The following CUBN variants were observed in gnomAD, a reference collection of about 807,000 sequenced individuals.
CUBN encodes cubilin.
Under a neutral mutation model 405.3 loss-of-function variants are expected in CUBN, and 282 were observed. That is an observed-to-expected ratio of 0.70 (90% CI 0.63 to 0.77). The LOEUF is 0.77. Ranked by LOEUF, CUBN falls within the 30% of genes least tolerant of loss-of-function variation. CUBN has a pLI of 0.00. For synonymous variants in CUBN, 1,684 were observed against 1,617.0 expected (o/e 1.04, Z -0.99); for missense variants, 4,514 against 4,475.2 (o/e 1.01, Z -0.25).
Position 16,907,544 on chromosome 10 carries a change from C to A in CUBN, c.7669G>T (p.Gly2557Cys), listed in dbSNP as rs202089701. Residue 2557 changes from glycine to cysteine, a missense_variant, in exon 49 of 67, where the codon GGC becomes TGC. By Grantham distance (159) the Gly-to-Cys change is radical. Coordinates refer to ENST00000377833, the MANE Select transcript of CUBN (RefSeq NM_001081.4). ...FFTDGSRPYG[G>C]FTASYTSSED... ...CTGGAGGTATAGGAAGCAGTGAAGC[C>A]GCCATATGGCCTGGATCCATCCGTG... is the stretch of plus-strand genomic sequence containing the variant. The A allele has an allele frequency of 3.7e-6, 6 of 1,614,070 alleles. No individual in the cohort carries two copies. The South Asian group carries it at 4.4e-5, about 12-fold the overall frequency.
Position 16,870,059 on chromosome 10 carries a change from C to T in CUBN, c.9237-206G>A, listed in dbSNP as rs1015929547. Among the ~76,000 whole-genome samples, 5 of 152,108 alleles carry T rather than the reference C, an allele frequency of 3.3e-5. No homozygotes were observed. The East Asian group carries it at 9.6e-4, about 29-fold the overall frequency. ...TTTGTTTTTAGTAATTACAATACAA[C>T]AAAAACTGTGACAGCAGCTGGGGAT... On this transcript the variant is annotated intron_variant, in intron 58 of 66. Coordinates refer to ENST00000377833, the MANE Select transcript of CUBN (RefSeq NM_001081.4).
At chr10:16,901,187 G>T in intron 52 of CUBN, 151 bp downstream of exon 52, 1 of 1,112,178 alleles carries the variant, frequency 9.0e-7, no homozygotes, top group Non-Finnish European at 1.4e-6. Context: ...ATGTGCTCTA[G>T]TGAGAAAATG....
intron 6 of CUBN, among the ~76,000 whole-genome samples, chr10:17,116,548 G>A (rs1390377955): frequency 6.6e-6 from 1 of 152,212 alleles, no homozygotes; most frequent in African/African-American, 2.4e-5. Context: ...ACAAGGAACA[G>A]GGCGTGCCTG....
chr10:16,979,644 G>T (rs1239967907), intron 31 of CUBN, among the ~76,000 whole-genome samples: 1 of 152,148 alleles, frequency 6.6e-6, no homozygotes, highest in African/African-American at 2.4e-5. Flanking sequence ...GCCATATGCA[G>T]AAAACTGAAA....
intron 43 of CUBN, among the ~76,000 whole-genome samples, chr10:16,923,924 T>C (rs1436142788): frequency 6.6e-6 from 1 of 151,866 alleles, no homozygotes; most frequent in African/African-American, 2.4e-5. Context: ...GTACAAAAAT[T>C]AGCTGGGCAT....
At chr10:16,874,337 A>G in intron 58 of CUBN, 37 bp downstream of exon 58, 1 of 1,611,676 alleles carries the variant, frequency 6.2e-7, no homozygotes, top group South Asian at 1.1e-5. Context: ...ATAATGCTGA[A>G]AGGATTTTCT....
chr10:17,109,541 A>G, intron 10 of CUBN, 99 bp downstream of exon 10: 1 of 1,007,900 alleles, frequency 9.9e-7, no homozygotes, highest in Admixed American at 1.9e-5. Context: ...AGGTCAAAAT[A>G]ACAATTTTGA....
chr10:17,074,864 T>G (rs1324735746), intron 17 of CUBN, among the ~76,000 whole-genome samples: 2 of 152,150 alleles, frequency 1.3e-5, no homozygotes. Context: ...TGGGGTTAAA[T>G]CAGTGTATTT....
At chr10:17,082,491 T>C (rs1184815071) in intron 17 of CUBN, among the ~76,000 whole-genome samples, 2 of 152,194 alleles carry the variant, frequency 1.3e-5, no homozygotes, top group African/African-American at 2.4e-5. Context: ...CCTGAGAGGA[T>C]GAACCATTCA....
At chr10:17,011,666 A>G (rs1485681807) in intron 28 of CUBN, among the ~76,000 whole-genome samples, 1 of 150,776 alleles carries the variant, frequency 6.6e-6, no homozygotes, top group Non-Finnish European at 1.5e-5. Flanking sequence ...CGTCCTGCTG[A>G]TTGGTCCATT....
At chr10:17,103,921 G>T (rs1041885266) in intron 12 of CUBN, among the ~76,000 whole-genome samples, 1 of 152,170 alleles carries the variant, frequency 6.6e-6, no homozygotes, top group African/African-American at 2.4e-5. Context: ...AAACTTGCTT[G>T]AGTGAAGTTA....
At chr10:17,026,786 G>A (rs1168570630) in intron 27 of CUBN, among the ~76,000 whole-genome samples, 1 of 152,206 alleles carries the variant, frequency 6.6e-6, no homozygotes, top group African/African-American at 2.4e-5. Flanking sequence ...GAGCATGGTT[G>A]ATCCCAGCCG....
chr10:17,127,958 A>C (rs1394616157), intron 2 of CUBN, 34 bp from the exon 3 acceptor site: 1 of 1,368,784 alleles, frequency 7.3e-7, no homozygotes. Flanking sequence ...AATGAAGAGC[A>C]CTAGTGAAAA....
At chr10:17,050,101 C>G (rs1052289018) in intron 22 of CUBN, among the ~76,000 whole-genome samples, 3 of 152,140 alleles carry the variant, frequency 2.0e-5, no homozygotes, top group Admixed American at 6.5e-5. Context: ...TCAAACTACC[C>G]CTAAACTCCA....
intron 5 of CUBN, chr10:17,123,365 C>T (rs1408256136): frequency 1.7e-6 from 1 of 596,712 alleles, no homozygotes; most frequent in Admixed American, 3.0e-5. Flanking sequence ...AGGCAGTTAT[C>T]CAATCAAGTG....
chr10:16,939,560 T>C (rs1564435761), intron 37 of CUBN, among the ~76,000 whole-genome samples: 2 of 152,192 alleles, frequency 1.3e-5, no homozygotes, highest in Admixed American at 1.3e-4. Context: ...AATGGAAAAG[T>C]TGAGCTAGAG....
At chr10:16,885,345 G>C (rs1199844663) in intron 56 of CUBN, among the ~76,000 whole-genome samples, 3 of 152,158 alleles carry the variant, frequency 2.0e-5, no homozygotes, top group African/African-American at 7.2e-5. Context: ...AAAAGAATCA[G>C]TCTTCAACTG....
In CUBN at chr10:16,930,157, A is replaced by C. The variant is rs550564324; in HGVS notation, c.6125-1854T>G. Among the ~76,000 whole-genome samples the C allele has an allele frequency of 3.3e-5, 5 of 152,336 alleles. No individual in the cohort carries two copies. The East Asian group carries it at 9.6e-4, about 29-fold the overall frequency. On this transcript the variant is annotated intron_variant, in intron 40 of 66. Transcript: ENST00000377833. ...AAGTCAAAGAACAGTAAAGGCTAGCACTAGAAGGCAACTTGGCAATTCTTT... is the reference window on the plus strand; with the variant it reads ...AAGTCAAAGAACAGTAAAGGCTAGCCCTAGAAGGCAACTTGGCAATTCTTT...
rs1021791862 is a variant in CUBN at position 16,889,313 on chromosome 10, C to A, written c.8756-747G>T. Among the ~76,000 whole-genome samples, 7 of 152,300 alleles carry A rather than the reference C, an allele frequency of 4.6e-5. No individual in the cohort carries two copies. The East Asian group carries it at 1.2e-3, about 25-fold the overall frequency. The stretch of plus-strand genomic sequence containing the variant: ...TTGTCTTTCAGTACTTCCTTTCCAG[C>A]ACTCTCTGATTCAGTCTGAAAAACC... On this transcript the variant is annotated intron_variant, in intron 55 of 66. Coordinates refer to ENST00000377833, the MANE Select transcript of CUBN (RefSeq NM_001081.4).
Sources: allele counts gnomAD v4.1 joint callset (sites outside exome capture counted in the v4.1 genomes callset), GRCh38; gene constraint gnomAD v4.1.1; transcripts MANE v1.5; gene names NCBI Gene and HGNC (gene_info 2026-07-23, HGNC 2026-07-21).